The following PDE6B variants were observed in gnomAD, a reference collection of about 807,000 sequenced individuals.
PDE6B encodes phosphodiesterase 6B.
PDE6B carries 106 observed loss-of-function variants against 109.0 expected under a neutral mutation model. That is an observed-to-expected ratio of 0.97 (90% confidence interval 0.83 to 1.14). The LOEUF (loss-of-function observed/expected upper bound fraction) is 1.14. PDE6B is among the 50% of genes most tolerant of loss of function. The probability of loss-of-function intolerance (pLI) is 0.00; values close to 1 mark genes in which losing one functional copy is unlikely to be tolerated. For synonymous variants in PDE6B, 490 were observed against 471.3 expected (o/e 1.04, Z -0.51); for missense variants, 1,193 against 1,155.6 (o/e 1.03, Z -0.47).
chr4:651,390 G>A (rs1444046497), intron 3 of PDE6B, among the ~76,000 whole-genome samples: 1 of 152,194 alleles, frequency 6.6e-6, no homozygotes, highest in African/African-American at 2.4e-5. Flanking sequence ...AGGACTTGAG[G>A]CCAGGCCTTG....
At position 663,033 on chromosome 4, in the gene PDE6B, G is replaced by A. The variant is rs1041522303; in HGVS notation, c.1833-67G>A. On this transcript the variant is annotated intron_variant, in intron 14 of 21. Transcript: ENST00000496514. This position sits in a 1 kb window ranked among gnomAD's most constrained non-coding sequence, Gnocchi z 4.0. The stretch of plus-strand genomic sequence containing the variant: ...AAAGAAAGTGGGGCCCATCTGGGGG[G>A]GCTGCAGAGCGCAGGGTGGGCCAAG... 37 of 887,588 alleles carry A rather than the reference G, an allele frequency of 4.2e-5. No homozygotes were observed. The highest frequency in any genetic ancestry group is 5.8e-5 in the Non-Finnish European group (30 of 516,876). 55.0% of individuals were successfully genotyped at this position (887,588 alleles called of 1,614,324 possible).
chr4:628,907 C>T (rs576190540), intron 1 of PDE6B, among the ~76,000 whole-genome samples: 13 of 152,344 alleles, frequency 8.5e-5, no homozygotes, highest in South Asian at 6.2e-4. Flanking sequence ...GGAGACACAG[C>T]GAATCCCAGG....
In PDE6B at chr4:660,482, G is replaced by C. The variant is rs1736930509; in HGVS notation, c.1483G>C (p.Gly495Arg). 3.7e-6 allele frequency: 6 copies of C among 1,613,970 alleles called. No individual in the cohort carries two copies. The highest frequency in any genetic ancestry group is 5.1e-6 in the Non-Finnish European group (6 of 1,180,000). Residue 495 changes from glycine (G) to arginine (R), a missense_variant, in exon 12 of 22, where the codon GGG becomes CGG. Coordinates refer to ENST00000496514, the MANE Select transcript of PDE6B (RefSeq NM_000283.4). ...CCTCCCACAGAAGGAGGAGCTGCCA[G>C]GGCCCACCACATTTGACATCTACGA... ...LGEILKEELP[G>R]PTTFDIYEFH...
At chr4:653,645 C>A in intron 3 of PDE6B, 1 of 651,476 alleles carries the variant, frequency 1.5e-6, no homozygotes, top group Non-Finnish European at 2.7e-6. Context: ...GAGGCCTCAC[C>A]GCCAGCCAGC....
At chr4:656,116 C>A in intron 7 of PDE6B, 110 bp downstream of exon 7, 2 of 1,008,662 alleles carry the variant, frequency 2.0e-6, no homozygotes, top group Non-Finnish European at 3.2e-6. Flanking sequence ...GCTCCACGTG[C>A]CTCAGTGAAG....
Position 663,833 on chromosome 4 carries a change from A to G in PDE6B, c.1984A>G (p.Ile662Val). 1 of 1,612,356 alleles carries G rather than the reference A, an allele frequency of 6.2e-7. No individual in the cohort carries two copies. Among genetic ancestry groups the G allele is most frequent in the Non-Finnish European group, 8.5e-7 (1 of 1,179,428 alleles). The change falls in exon 16 of 22, where the codon ATC (isoleucine) becomes GTC (valine). Residue 662 changes from isoleucine to valine, a missense_variant. Coordinates refer to ENST00000496514, the MANE Select transcript of PDE6B (RefSeq NM_000283.4). The surrounding 1 kb of genome is among the most constrained non-coding windows in gnomAD (Gnocchi z 4.0). ...QHEHVIHLMD[I>V]AIIATDLALY... is the part of the protein sequence containing the mutation. ...CGAGCACGTGATCCACCTGATGGAC[A>G]TCGCCATCATCGCCACGGACCTGGC...
chr4:644,107 C>T (rs561970303), intron 3 of PDE6B, among the ~76,000 whole-genome samples: 58 of 151,532 alleles, frequency 3.8e-4, no homozygotes, highest in African/African-American at 1.4e-3. Flanking sequence ...TTAGTAGAGA[C>T]GGGGTTTCAC....
At chr4:664,685 G>A (rs527246130) in intron 17 of PDE6B, among the ~76,000 whole-genome samples, 196 bp from the exon 18 acceptor site, 7 of 152,260 alleles carry the variant, frequency 4.6e-5, no homozygotes, top group East Asian at 3.9e-4. Context: ...GCGTGGTGGC[G>A]GGCGCCTGTA....
At chr4:642,469 C>T (rs1360955773) in intron 3 of PDE6B, among the ~76,000 whole-genome samples, 1 of 151,156 alleles carries the variant, frequency 6.6e-6, no homozygotes, top group Non-Finnish European at 1.5e-5. Flanking sequence ...AGAGTAAACT[C>T]CGTCTGAAAA....
chr4:659,377 T>A (rs939377339), intron 11 of PDE6B, among the ~76,000 whole-genome samples: 3 of 152,254 alleles, frequency 2.0e-5, no homozygotes, highest in Non-Finnish European at 4.4e-5. Context: ...CTATGTCATC[T>A]CTGCTCTCAG....
At chr4:631,069 C>T (rs755760536) in intron 1 of PDE6B, among the ~76,000 whole-genome samples, 8 of 152,180 alleles carry the variant, frequency 5.3e-5, no homozygotes, top group African/African-American at 9.7e-5. Context: ...AGACGGCAGA[C>T]GAACGGGCTG....
intron 3 of PDE6B, among the ~76,000 whole-genome samples, chr4:646,492 C>T (rs886934212): frequency 6.6e-6 from 1 of 151,968 alleles, no homozygotes; most frequent in African/African-American, 2.4e-5. Context: ...CCTAGACGCG[C>T]GGTTTGGTGT....
intron 3 of PDE6B, among the ~76,000 whole-genome samples, chr4:649,318 C>A (rs909212019): frequency 6.6e-6 from 1 of 152,206 alleles, no homozygotes; most frequent in African/African-American, 2.4e-5. Context: ...ATTCAACAAC[C>A]AGCTCTGAGA....
At position 664,672 on chromosome 4, in the gene PDE6B, C is replaced by T. The variant is rs966998354; in HGVS notation, c.2130-209C>T. On this transcript the variant is annotated intron_variant, in intron 17 of 21. Transcript: ENST00000496514. Reference sequence around the variant, plus strand: ...CTCTACCGAAAATACAAAAATTAGCCGGGCGTGGTGGCGGGCGCCTGTAAT... The same window carrying T: ...CTCTACCGAAAATACAAAAATTAGCTGGGCGTGGTGGCGGGCGCCTGTAAT... 3.9e-5 allele frequency among the ~76,000 whole-genome samples: 6 copies of T among 152,074 alleles called. No homozygotes were observed. The South Asian group carries it at 6.2e-4, about 16-fold the overall frequency.
rs1737329728 is a variant in PDE6B at position 663,195 on chromosome 4, T to A, written c.1920+8T>A. 6.6e-7 allele frequency: 1 copy of A among 1,521,110 alleles called. No homozygotes were observed. Among genetic ancestry groups the A allele is most frequent in the African/African-American group, 1.4e-5 (1 of 73,042 alleles). The allele number at this position is 1,521,110 out of a possible 1,614,324, so 94.2% of individuals were successfully genotyped here. The stretch of plus-strand genomic sequence containing the variant: ...TTCCTGCTCTCGGAGGAGGTTGGTA[T>A]ACTCACCCTCGGTTTCTGCTGTGGG... On this transcript the variant is annotated splice_region_variant and intron_variant, in intron 15 of 21. Coordinates refer to ENST00000496514, the MANE Select transcript of PDE6B (RefSeq NM_000283.4). The surrounding 1 kb of genome is among the most constrained non-coding windows in gnomAD (Gnocchi z 4.0).
chr4:660,966 T>A, intron 12 of PDE6B, among the ~76,000 whole-genome samples: 1 of 151,366 alleles, frequency 6.6e-6, no homozygotes, highest in African/African-American at 2.4e-5. Context: ...ATGCCAATGG[T>A]AGTTGGATAG....
chr4:637,787 G>A (rs985799866), intron 3 of PDE6B, among the ~76,000 whole-genome samples: 6 of 152,180 alleles, frequency 3.9e-5, no homozygotes, highest in African/African-American at 9.7e-5. Flanking sequence ...TGACCATCGC[G>A]CTCGAGCTGA....
chr4:670,101 C>G lies in PDE6B; in HGVS notation c.2559C>G (p.Ile853Met). 6 of 1,612,462 alleles carry G rather than the reference C, an allele frequency of 3.7e-6. No homozygotes were observed. The highest frequency in any genetic ancestry group is 5.1e-6 in the Non-Finnish European group (6 of 1,178,954). ...CACCCAAGTCTTCAACCTGCTGTAT[C>G]CTGTGAGCACTGGTCCCATGGGGAC... ...GPAPKSSTCC[I>M]L Residue 853 changes from isoleucine to methionine, a missense_variant, in exon 22 of 22, where the codon ATC becomes ATG. Coordinates refer to ENST00000496514, the MANE Select transcript of PDE6B (RefSeq NM_000283.4).
rs1577246913 is a variant in PDE6B, at chr4:635,773, C to T, written c.622-107C>T. 9.6e-6 allele frequency: 7 copies of T among 728,182 alleles called. No individual in the cohort carries two copies. The East Asian group carries it at 1.3e-4, about 14-fold the overall frequency. 45.1% of individuals were successfully genotyped at this position (728,182 alleles called of 1,614,324 possible). A position where few individuals can be genotyped will look rare whatever the true frequency, so the allele number is the denominator to read the frequency against. ...CTGCCTGTGGGGCACAGCTTCCTGG[C>T]GTGTCTGGGCACCCTCAGGCGAGCA... On this transcript the variant is annotated intron_variant, in intron 2 of 21. Coordinates refer to ENST00000496514, the MANE Select transcript of PDE6B (RefSeq NM_000283.4).
Sources: allele counts gnomAD v4.1 joint callset (sites outside exome capture counted in the v4.1 genomes callset), GRCh38; gene constraint gnomAD v4.1.1; non-coding constraint Gnocchi (gnomAD v3.1); transcripts MANE v1.5; gene names NCBI Gene and HGNC (gene_info 2026-07-23, HGNC 2026-07-21).